EXPH5: variants seen among roughly 807,000 people sequenced by gnomAD.
The protein encoded by EXPH5 is exophilin 5, also known as exophilin-5.
EXPH5 carries 42 observed loss-of-function variants against 41.1 expected under a neutral mutation model. The observed-to-expected ratio is 1.02, with a 90% confidence interval of 0.80 to 1.32. The LOEUF is 1.32. EXPH5 is among the 40% of genes most tolerant of loss of function. The pLI is 0.00. For synonymous variants in EXPH5, 798 were observed against 833.5 expected, an observed-to-expected ratio of 0.96 and a Z score of 0.73; for missense variants, 2,298 against 2,314.5, an observed-to-expected ratio of 0.99 and a Z score of 0.15.
At chr11:108,562,489 G>A (rs898283635) in intron 1 of EXPH5, among the ~76,000 whole-genome samples, 1 of 148,308 alleles carries the variant, frequency 6.7e-6, no homozygotes, top group South Asian at 2.2e-4. Context: ...CATACCTGTA[G>A]TCCCAGCTAC....
At chr11:108,551,998 C>G (rs1205733563) in intron 1 of EXPH5, 2 of 152,076 alleles carry the variant, frequency 1.3e-5, no homozygotes, top group Admixed American at 6.6e-5. Context: ...TTTTCCAAAC[C>G]CTGAAGCCCC....
intron 1 of EXPH5, among the ~76,000 whole-genome samples, chr11:108,545,734 T>G (rs1163496278): frequency 2.0e-5 from 3 of 151,926 alleles, no homozygotes; most frequent in Non-Finnish European, 4.4e-5. Flanking sequence ...GAAAACCCAC[T>G]TCTACAAAAA....
At chr11:108,573,139 G>GGAAAGAAAGAAAGAAGGAAAGAAA (rs2094066793) in intron 1 of EXPH5, among the ~76,000 whole-genome samples, 2 of 90,558 alleles carry the variant, frequency 2.2e-5, no homozygotes, top group South Asian at 4.3e-4. Flanking sequence ...AAGGAAAGAA[G>GGAAAGAAAGAAAGAAGGAAAGAAA]GAAAGAAAGA....
chr11:108,520,121 C>A (rs2093755698), intron 4 of EXPH5, among the ~76,000 whole-genome samples: 1 of 152,126 alleles, frequency 6.6e-6, no homozygotes, highest in African/African-American at 2.4e-5. Context: ...AAAGGGCGAG[C>A]ATTACCGCCT....
rs748936475 is a variant in EXPH5 at position 108,513,217 on chromosome 11, T to C, written c.2290A>G (p.Ile764Val). Residue 764 changes from isoleucine (I) to valine (V), a missense_variant, in exon 6 of 6, where the codon ATA becomes GTA. Ile to Val is a conservative substitution (Grantham distance 29, BLOSUM62 3). Transcript: ENST00000265843. Reference sequence around the variant, plus strand: ...ACTCTGGGTGACTTTTTTGAACTTATTATGGTAGATGCATTAAAACCAAAC... The same window carrying C: ...ACTCTGGGTGACTTTTTTGAACTTACTATGGTAGATGCATTAAAACCAAAC... ...NGFGFNASTI[I>V]SSKKSPRVFS... 2.5e-6 allele frequency: 4 copies of C among 1,613,826 alleles called. No individual in the cohort carries two copies. The African/African-American group carries it at 4.0e-5, about 16-fold the overall frequency.
intron 1 of EXPH5, among the ~76,000 whole-genome samples, chr11:108,573,061 GA>G (rs2094066192): frequency 1.5e-5 from 2 of 137,906 alleles, no homozygotes; most frequent in African/African-American, 2.7e-5. Context: ...AAAAAATGTT[GA>G]AAAAAATAAG....
chr11:108,524,903 G>A (rs938369725), intron 4 of EXPH5, among the ~76,000 whole-genome samples: 5 of 152,174 alleles, frequency 3.3e-5, no homozygotes, highest in African/African-American at 1.2e-4. Flanking sequence ...AGCCTGATAT[G>A]GTTCGGTTGT....
chr11:108,509,490 AT>A lies in EXPH5; in HGVS notation c.*46del, dbSNP rs780908270. ...ACATGCACATGTACACCTTAGTTCC[AT>A]TATAAGCTTTTGGTGAAAAAAGTAA... On this transcript the variant is annotated 3_prime_UTR_variant, in exon 6 of 6. Transcript: ENST00000265843. 2.1e-5 allele frequency: 31 copies of A among 1,507,118 alleles called. No individual in the cohort carries two copies. The African/African-American group carries it at 4.3e-4, about 21-fold the overall frequency. The allele number at this position is 1,507,118 out of a possible 1,614,324, so 93.4% of individuals were successfully genotyped here. A position where few individuals can be genotyped will look rare whatever the true frequency, so the allele number is the denominator to read the frequency against.
chr11:108,548,313 T>C (rs895278866), intron 1 of EXPH5, among the ~76,000 whole-genome samples: 1 of 152,130 alleles, frequency 6.6e-6, no homozygotes, highest in Non-Finnish European at 1.5e-5. Flanking sequence ...TGTACAAACC[T>C]GACTCTGGCT....
At chr11:108,515,941 G>A (rs893260576) in intron 5 of EXPH5, among the ~76,000 whole-genome samples, 8 of 151,814 alleles carry the variant, frequency 5.3e-5, no homozygotes, top group African/African-American at 7.3e-5. Context: ...GCGTGGTGGC[G>A]GGCGCCTGTA....
intron 1 of EXPH5, among the ~76,000 whole-genome samples, chr11:108,564,149 A>G (rs576262592): frequency 2.6e-5 from 4 of 152,164 alleles, no homozygotes; most frequent in East Asian, 3.9e-4. Context: ...TTAGCTGGGC[A>G]TGGTGGTGGG....
chr11:108,602,955 T>C, the EXPH5 span, among the ~76,000 whole-genome samples: 1 of 152,190 alleles, frequency 6.6e-6, no homozygotes, highest in African/African-American at 2.4e-5. Flanking sequence ...TGGGAGGTGA[T>C]TGGATCACGG....
In EXPH5 at chr11:108,509,855, G is replaced by T; in HGVS notation, c.5652C>A (p.Ile1884=). The T allele has an allele frequency of 1.2e-6, 2 of 1,613,234 alleles. No individual in the cohort carries two copies. Among genetic ancestry groups the T allele is most frequent in the Non-Finnish European group, 8.5e-7 (1 of 1,179,772 alleles). ...GTTCTTTCCCAAAGATCCCATAGTC[G>T]ATAGGTCTGTATATAGATATTGCAG... ...PRSAISIYRP[I]DYGIFGKEQQ... The change falls in exon 6 of 6, where the codon ATC becomes ATA. Residue 1884 remains isoleucine, a synonymous_variant. Coordinates refer to ENST00000265843, the MANE Select transcript of EXPH5 (RefSeq NM_015065.3).
At chr11:108,601,584 GTTGAGTAT>G in the EXPH5 span, among the ~76,000 whole-genome samples, 6 of 152,124 alleles carry the variant, frequency 3.9e-5, no homozygotes, top group Non-Finnish European at 7.4e-5. Context: ...TAATTTCAAA[GTTGAGTAT>G]TTAAATATGA....
At chr11:108,596,159 C>A (rs573184963), upstream of EXPH5, among the ~76,000 whole-genome samples, 29 of 152,156 alleles carry the variant, frequency 1.9e-4, no homozygotes, top group African/African-American at 6.0e-4. Context: ...CACACCACTG[C>A]ACTCCAGCCT....
chr11:108,511,116 T>C lies in EXPH5; in HGVS notation c.4391A>G (p.Gln1464Arg), dbSNP rs762751070. The C allele has an allele frequency of 1.1e-5, 18 of 1,613,894 alleles. No homozygotes were observed. The Admixed American group carries it at 1.3e-4, about 12-fold the overall frequency. ...IPFTGSGKCPQKDHTSTAVGD... is the reference protein window; with the variant it reads ...IPFTGSGKCPRKDHTSTAVGD... Reference sequence around the variant, plus strand: ...TACAGCTGTGGATGTGTGATCTTTCTGGGGACACTTGCCACTTCCAGTAAA... The same window carrying C: ...TACAGCTGTGGATGTGTGATCTTTCCGGGGACACTTGCCACTTCCAGTAAA... The change falls in exon 6 of 6, where the codon CAG (glutamine) becomes CGG (arginine). Residue 1464 changes from glutamine to arginine, a missense_variant. Gln to Arg is a conservative substitution (Grantham distance 43). Transcript: ENST00000265843.
intron 1 of EXPH5, among the ~76,000 whole-genome samples, chr11:108,556,932 C>A (rs1277423613): frequency 6.6e-6 from 1 of 152,202 alleles, no homozygotes; most frequent in East Asian, 1.9e-4. Flanking sequence ...CCTTTTCTAC[C>A]ACTTTTAATC....
intron 1 of EXPH5, among the ~76,000 whole-genome samples, chr11:108,588,384 G>A (rs916866796): frequency 6.6e-6 from 1 of 152,200 alleles, no homozygotes; most frequent in African/African-American, 2.4e-5. Context: ...ATAGATCCCA[G>A]TCCTGGTTCT....
At chr11:108,593,386 C>T in intron 1 of EXPH5, 32 bp downstream of exon 1, 2 of 1,589,466 alleles carry the variant, frequency 1.3e-6, no homozygotes, top group Non-Finnish European at 8.6e-7. Context: ...GGGACCCAGG[C>T]CCAGGACAAA....
Sources: allele counts gnomAD v4.1 joint callset (sites outside exome capture counted in the v4.1 genomes callset), GRCh38; gene constraint gnomAD v4.1.1; transcripts MANE v1.5; gene names NCBI Gene and HGNC (gene_info 2026-07-23, HGNC 2026-07-21).